Variants in TMEM200C observed in about 807,000 individuals in gnomAD.
TMEM200C encodes the protein transmembrane protein 200C, also known as transmembrane protein TTMA.
For missense variants in TMEM200C, 966 were observed against 699.9 expected (o/e 1.38, Z -4.29); for synonymous variants, 462 against 324.7 (o/e 1.42, Z -4.55).
At chr18:5,895,550 G>A (rs1436557549) in intron 1 of TMEM200C, 28 bp from the exon 1 acceptor site, 1 of 147,126 alleles carries the variant, frequency 6.8e-6, no homozygotes, top group Non-Finnish European at 1.5e-5. Flanking sequence ...CGGCTCGGCG[G>A]AGTCGGGGGG....
At chr18:5,883,752 G>T (rs991989257) in exon 3 of TMEM200C, 3 of 152,090 alleles carry the variant, frequency 2.0e-5, no homozygotes, top group African/African-American at 7.2e-5. Context: ...GCTGTCTCCA[G>T]TCTTTACGGT....
Position 5,891,503 on chromosome 18 carries a change from G to A in TMEM200C, c.561C>T (p.Leu187=), listed in dbSNP as rs549741039. The A allele has an allele frequency of 6.2e-7, 1 of 1,609,492 alleles. No homozygotes were observed. Among genetic ancestry groups the A allele is most frequent in the East Asian group, 2.2e-5 (1 of 44,674 alleles). ...TGGTCTTCTTGTCCCGGTTCTCGTG[G>A]AGGACCGCGTTTGCGCAGATGAAGA... Residue 187 remains leucine, a synonymous_variant, in exon 3 of 3, where the codon CTC becomes CTT. Transcript: ENST00000581347. The surrounding 1 kb of genome is among the most constrained non-coding windows in gnomAD (Gnocchi z 4.7).
chr18:5,890,604 G>A, exon 3 of TMEM200C: 1 of 1,136,078 alleles, frequency 8.8e-7, no homozygotes, highest in Non-Finnish European at 1.1e-6. Context: ...CGGGGAGGGC[G>A]GGGGCTCGGG....
Position 5,891,832 on chromosome 18 carries a change from C to A in TMEM200C, c.232G>T (p.Ala78Ser). The change falls in exon 3 of 3, where the codon GCC becomes TCC. Residue 78 changes from alanine to serine, a missense_variant. Physicochemically the swap from Ala to Ser is moderately conservative, Grantham distance 99. Transcript: ENST00000581347. This position sits in a 1 kb window ranked among gnomAD's most constrained non-coding sequence, Gnocchi z 4.7. ...CCCCCCTCCCGATTGGTCCCGGTGGCCTTGGGCCAGTAGCCCACCACCGCC... is the reference window on the plus strand; with the variant it reads ...CCCCCCTCCCGATTGGTCCCGGTGGACTTGGGCCAGTAGCCCACCACCGCC... The A allele has an allele frequency of 6.2e-7, 1 of 1,605,794 alleles. No homozygotes were observed. Among genetic ancestry groups the A allele is most frequent in the Non-Finnish European group, 8.5e-7 (1 of 1,177,694 alleles).
intron 2 of TMEM200C, among the ~76,000 whole-genome samples, chr18:5,893,565 A>G (rs182066412): frequency 1.1e-4 from 17 of 152,346 alleles, no homozygotes; most frequent in Non-Finnish European, 2.1e-4. Context: ...AAAGACTTAG[A>G]TATCACGCCC....
chr18:5,891,929 C>G lies in TMEM200C; in HGVS notation c.135G>C (p.Lys45Asn). 1 of 1,613,904 alleles carries G rather than the reference C, an allele frequency of 6.2e-7. No homozygotes were observed. The highest frequency in any genetic ancestry group is 1.1e-5 in the South Asian group (1 of 91,086). ...GCCCTGAGATGGAGCACAGCTTCAG[C>G]TTGCCTTTCACCACCACCACGTCGT... Residue 45 changes from lysine (K) to asparagine (N), a missense_variant, in exon 3 of 3, where the codon AAG becomes AAC. Lys to Asn is a moderately conservative substitution (Grantham distance 94). Coordinates refer to ENST00000581347, the Ensembl canonical transcript of TMEM200C. The surrounding 1 kb of genome is among the most constrained non-coding windows in gnomAD (Gnocchi z 4.7).
chr18:5,890,422 C>G, exon 3 of TMEM200C: 1 of 1,572,946 alleles, frequency 6.4e-7, no homozygotes, highest in South Asian at 1.2e-5. Flanking sequence ...AAGACCGACT[C>G]GGTGGAGGTG....
In TMEM200C at chr18:5,891,254, C is replaced by G; in HGVS notation, c.810G>C (p.Gly270=). ...GCATCGCCGCCGCTCCGAAGGCGTC[C>G]CCGGAGCCACCGCAGCCCCCGGGCT... Residue 270 remains glycine, a synonymous_variant, in exon 3 of 3, where the codon GGG becomes GGC. Transcript: ENST00000581347. The surrounding 1 kb of genome is among the most constrained non-coding windows in gnomAD (Gnocchi z 4.7). 1 of 1,386,932 alleles carries G rather than the reference C, an allele frequency of 7.2e-7. No individual in the cohort carries two copies. The allele number at this position is 1,386,932 out of a possible 1,614,324, so 85.9% of individuals were successfully genotyped here. A position where few individuals can be genotyped will look rare whatever the true frequency, so the allele number is the denominator to read the frequency against.
intron 2 of TMEM200C, among the ~76,000 whole-genome samples, chr18:5,892,575 T>C (rs958926993): frequency 2.6e-5 from 4 of 152,136 alleles, no homozygotes; most frequent in African/African-American, 9.7e-5. Flanking sequence ...CCTCAGTCCT[T>C]CAGGAATTGG....
chr18:5,890,796 G>C, exon 3 of TMEM200C: 1 of 661,742 alleles, frequency 1.5e-6, no homozygotes, highest in South Asian at 1.6e-5. Flanking sequence ...GCGGAGGTTG[G>C]TCATGCTCAG....
exon 3 of TMEM200C, chr18:5,889,122 G>C (rs897439990): frequency 3.3e-5 from 5 of 152,232 alleles, no homozygotes; most frequent in African/African-American, 1.2e-4. Flanking sequence ...TGATAGCCAA[G>C]AGGATGGGAA....
chr18:5,891,278 C>A lies in TMEM200C; in HGVS notation c.786G>T (p.Lys262Asn). Reference sequence around the variant, plus strand: ...CCCCGGAGCCACCGCAGCCCCCGGGCTTCAGCTCCAGGCCCCGCGACTGCA... The same window carrying A: ...CCCCGGAGCCACCGCAGCCCCCGGGATTCAGCTCCAGGCCCCGCGACTGCA... The change falls in exon 3 of 3, where the codon AAG becomes AAT. Residue 262 changes from lysine (K) to asparagine (N), a missense_variant. Transcript: ENST00000581347. The surrounding 1 kb of genome is among the most constrained non-coding windows in gnomAD (Gnocchi z 4.7). The A allele has an allele frequency of 7.1e-7, 1 of 1,412,524 alleles. No individual in the cohort carries two copies. Among genetic ancestry groups the A allele is most frequent in the Non-Finnish European group, 9.3e-7 (1 of 1,078,410 alleles). 87.5% of individuals were successfully genotyped at this position (1,412,524 alleles called of 1,614,324 possible). A position where few individuals can be genotyped will look rare whatever the true frequency, so the allele number is the denominator to read the frequency against.
At chr18:5,884,518 G>A (rs2095163982) in exon 3 of TMEM200C, 1 of 152,074 alleles carries the variant, frequency 6.6e-6, no homozygotes, top group African/African-American at 2.4e-5. Flanking sequence ...ACACAAAAAG[G>A]ATATTTTTGT....
intron 2 of TMEM200C, among the ~76,000 whole-genome samples, chr18:5,894,539 G>A (rs2095174103): frequency 6.6e-6 from 1 of 152,196 alleles, no homozygotes; most frequent in Admixed American, 6.5e-5. Flanking sequence ...AAGAATGGAG[G>A]ATGGGGGAAG....
At chr18:5,889,377 T>C (rs985697054) in exon 3 of TMEM200C, 1 of 152,240 alleles carries the variant, frequency 6.6e-6, no homozygotes, top group Non-Finnish European at 1.5e-5. Context: ...AGGTACCAGA[T>C]GAGCTAGCTC....
rs543734152 is a variant in TMEM200C at position 5,887,492 on chromosome 18, GC to G, written c.*2705del. ...AAGTATTTTGATGGTCTCCAGAAAT[GC>G]CCATTTCAACTCAGCATCTGCCGAC... is the stretch of plus-strand genomic sequence containing the variant. On this transcript the variant is annotated 3_prime_UTR_variant, in exon 3 of 3. Transcript: ENST00000581347. 16 of 152,290 alleles carry G rather than the reference GC, an allele frequency of 1.1e-4. No homozygotes were observed. The South Asian group carries it at 1.7e-3, about 16-fold the overall frequency. 9.4% of individuals were successfully genotyped at this position (152,290 alleles called of 1,614,324 possible).
exon 3 of TMEM200C, chr18:5,884,915 CAAT>C (rs2095164271): frequency 6.6e-6 from 1 of 151,842 alleles, no homozygotes; most frequent in Non-Finnish European, 1.5e-5. Context: ...AATTTATTTT[CAAT>C]TATTAAATAT....
chr18:5,890,199 T>C, exon 3 of TMEM200C: 1 of 1,535,866 alleles, frequency 6.5e-7, no homozygotes, highest in Non-Finnish European at 8.8e-7. Flanking sequence ...CCCCTTTCTC[T>C]AAATGCCTGT....
At chr18:5,888,550 G>A (rs890319455) in exon 3 of TMEM200C, 8 of 152,234 alleles carry the variant, frequency 5.3e-5, no homozygotes, top group Admixed American at 5.2e-4. Flanking sequence ...CAGAGGCCCA[G>A]AGGGATTAAG....
Sources: allele counts gnomAD v4.1 joint callset (sites outside exome capture counted in the v4.1 genomes callset), GRCh38; gene constraint gnomAD v4.1.1; non-coding constraint Gnocchi (gnomAD v3.1); transcripts MANE v1.5; gene names NCBI Gene and HGNC (gene_info 2026-07-23, HGNC 2026-07-21).